The following CDH13 variants were observed in gnomAD, a reference collection of about 807,000 sequenced individuals.
CDH13 encodes cadherin-13.
A neutral mutation model predicts 63.8 loss-of-function variants in CDH13; 24 were observed. The observed-to-expected ratio is 0.38, with a 90% CI of 0.27 to 0.53. The LOEUF is 0.53. CDH13 is among the 20% of genes least tolerant of loss of function. CDH13 has a pLI of 0.85. For synonymous variants in CDH13, 503 were observed against 355.3 expected (o/e 1.42, Z -4.67); for missense variants, 1,049 against 903.1 (o/e 1.16, Z -2.07).
At chr16:83,329,925 T>C (rs1047530722) in intron 5 of CDH13, among the ~76,000 whole-genome samples, 2 of 152,248 alleles carry the variant, frequency 1.3e-5, no homozygotes, top group Admixed American at 6.5e-5. Flanking sequence ...TCCATTCATC[T>C]GCTAATGGAC....
intron 6 of CDH13, among the ~76,000 whole-genome samples, chr16:83,458,567 G>A (rs941204545): frequency 6.6e-6 from 1 of 152,090 alleles, no homozygotes; most frequent in African/African-American, 2.4e-5. Flanking sequence ...AAATCTTGTG[G>A]TCATCTTTCC....
intron 5 of CDH13, among the ~76,000 whole-genome samples, chr16:83,226,171 T>A (rs1317031774): frequency 1.3e-5 from 2 of 152,204 alleles, no homozygotes; most frequent in Non-Finnish European, 2.9e-5. Flanking sequence ...TTCCAGTTCG[T>A]CTCTTCGTAT....
intron 10 of CDH13, among the ~76,000 whole-genome samples, chr16:83,713,243 G>T (rs1373028556): frequency 6.6e-6 from 1 of 152,136 alleles, no homozygotes; most frequent in East Asian, 1.9e-4. Flanking sequence ...CTTCATGGAC[G>T]CATTGATAGA....
intron 1 of CDH13, among the ~76,000 whole-genome samples, chr16:82,728,833 C>A (rs891949702): frequency 1.3e-5 from 2 of 152,174 alleles, no homozygotes; most frequent in African/African-American, 4.8e-5. Context: ...GAACTTCTTT[C>A]AAAATTGGAG....
At chr16:83,751,374 C>T (rs945179084) in intron 11 of CDH13, among the ~76,000 whole-genome samples, 1 of 152,030 alleles carries the variant, frequency 6.6e-6, no homozygotes, top group Non-Finnish European at 1.5e-5. Flanking sequence ...GTGGGCAGAT[C>T]GCTTGAGGTC....
At chr16:83,440,809 G>C (rs59106564) in intron 6 of CDH13, among the ~76,000 whole-genome samples, 4,490 of 151,090 alleles carry the variant, frequency 0.03, 80 homozygotes, top group East Asian at 0.12. Flanking sequence ...AAAAGCGGGG[G>C]AGGGAGATTA....
At chr16:82,632,003 T>A (rs1268847759) in intron 1 of CDH13, among the ~76,000 whole-genome samples, 1 of 152,164 alleles carries the variant, frequency 6.6e-6, no homozygotes, top group East Asian at 1.9e-4. Flanking sequence ...TTTGTTTGGC[T>A]CAAATGTTTT....
At chr16:82,842,471 A>C (rs1286169402) in intron 1 of CDH13, among the ~76,000 whole-genome samples, 1 of 151,908 alleles carries the variant, frequency 6.6e-6, no homozygotes, top group Non-Finnish European at 1.5e-5. Context: ...GCACAGGCAA[A>C]AATCAGCTAA....
chr16:82,831,400 A>AT (rs34851681), intron 1 of CDH13, among the ~76,000 whole-genome samples: 13 of 151,730 alleles, frequency 8.6e-5, no homozygotes, highest in African/African-American at 3.1e-4. Context: ...TATATCTTTC[A>AT]TTTTTTTTAA....
At chr16:83,768,606 C>T (rs1348195844) in intron 11 of CDH13, among the ~76,000 whole-genome samples, 5 of 152,186 alleles carry the variant, frequency 3.3e-5, no homozygotes, top group South Asian at 2.1e-4. Flanking sequence ...AGAATGGCTA[C>T]GACATCGAGC....
At position 83,393,612 on chromosome 16, in the gene CDH13, C is replaced by A. The variant is rs571281641; in HGVS notation, c.781+48606C>A. 2.0e-5 allele frequency among the ~76,000 whole-genome samples: 3 copies of A among 152,296 alleles called. No individual in the cohort carries two copies. The South Asian group carries it at 6.2e-4, about 32-fold the overall frequency. ...GACATATATGTTATTGCAATTATGG[C>A]TCTACTGAAAGAATGAATGAATTTA... On this transcript the variant is annotated intron_variant, in intron 6 of 13. Coordinates refer to ENST00000567109, the MANE Select transcript of CDH13 (RefSeq NM_001257.5).
chr16:83,172,646 C>A (rs2037970538), intron 4 of CDH13, among the ~76,000 whole-genome samples: 1 of 152,032 alleles, frequency 6.6e-6, no homozygotes, highest in Non-Finnish European at 1.5e-5. Context: ...TCCTCACAGA[C>A]CTCAGAAGCA....
chr16:83,474,651 CA>C (rs2073554464), intron 6 of CDH13, among the ~76,000 whole-genome samples: 1 of 152,144 alleles, frequency 6.6e-6, no homozygotes, highest in African/African-American at 2.4e-5. Context: ...GCTTAGAATT[CA>C]GCAAATTAAA....
At chr16:83,666,020 C>A (rs1913917774) in intron 8 of CDH13, among the ~76,000 whole-genome samples, 1 of 152,346 alleles carries the variant, frequency 6.6e-6, no homozygotes, top group Non-Finnish European at 1.5e-5. Context: ...ATAGTCCCAA[C>A]AGGCCACAGT....
At chr16:82,828,643 T>C (rs1416120650) in intron 1 of CDH13, among the ~76,000 whole-genome samples, 1 of 102,964 alleles carries the variant, frequency 9.7e-6, no homozygotes, top group Non-Finnish European at 1.9e-5. Context: ...AAAATAGATG[T>C]GTTTGTGTGT....
At chr16:83,247,635 G>A (rs1410137695) in intron 5 of CDH13, among the ~76,000 whole-genome samples, 1 of 152,074 alleles carries the variant, frequency 6.6e-6, no homozygotes, top group Non-Finnish European at 1.5e-5. Context: ...TTTTCATGAA[G>A]CCTGAGGGAA....
intron 4 of CDH13, among the ~76,000 whole-genome samples, chr16:83,161,391 C>G (rs1485289141): frequency 1.3e-5 from 2 of 151,962 alleles, no homozygotes; most frequent in African/African-American, 4.8e-5. Context: ...TCTGAAGATT[C>G]AGATTTTTGT....
intron 3 of CDH13, among the ~76,000 whole-genome samples, chr16:83,099,840 G>A (rs140655670): frequency 7.2e-5 from 11 of 152,180 alleles, no homozygotes; most frequent in Non-Finnish European, 1.3e-4. Flanking sequence ...CGCCAGACGC[G>A]GGAGAGCACT....
At chr16:83,230,919 G>A (rs1035970262) in intron 5 of CDH13, among the ~76,000 whole-genome samples, 1 of 152,246 alleles carries the variant, frequency 6.6e-6, no homozygotes, top group Non-Finnish European at 1.5e-5. Flanking sequence ...TGTGAATTCT[G>A]TATTTGGAAT....
Sources: gnomAD v4.1 joint callset for allele counts (sites outside exome capture counted in the v4.1 genomes callset) on GRCh38, gnomAD v4.1.1 for gene constraint, MANE v1.5 for transcripts, NCBI Gene and HGNC (gene_info 2026-07-23, HGNC 2026-07-21) for gene names.